Variants in ELMO1 observed in about 807,000 individuals in gnomAD.
The protein encoded by ELMO1 is engulfment and cell motility protein 1.
ELMO1 carries 26 observed loss-of-function variants against 98.9 expected under a neutral mutation model. That is an observed-to-expected ratio of 0.26 (90% confidence interval 0.19 to 0.36). ELMO1 has a LOEUF of 0.36. Ranked by LOEUF, ELMO1 falls within the 10% of genes least tolerant of loss-of-function variation. The pLI is 1.00. For missense variants in ELMO1, 627 were observed against 935.2 expected, an observed-to-expected ratio of 0.67 and a Z score of 4.30; for synonymous variants, 346 against 346.0, an observed-to-expected ratio of 1.00 and a Z score of 0.00.
At chr7:37,013,603 C>A (rs1443458381) in intron 15 of ELMO1, 168 bp from the exon 16 acceptor site, 17 of 748,458 alleles carry the variant, frequency 2.3e-5, no homozygotes, top group Non-Finnish European at 3.3e-5. Flanking sequence ...GGCCCCCATA[C>A]AACTCGGAAG....
chr7:36,958,568 TCTGCTCTCA>T (rs891248533), intron 16 of ELMO1, among the ~76,000 whole-genome samples: 1 of 152,196 alleles, frequency 6.6e-6, no homozygotes, highest in Non-Finnish European at 1.5e-5. Context: ...CATAGCTGAA[TCTGCTCTCA>T]CTGGGGACAC....
At chr7:37,122,274 T>A (rs1786111224) in intron 14 of ELMO1, among the ~76,000 whole-genome samples, 2 of 152,108 alleles carry the variant, frequency 1.3e-5, no homozygotes, top group South Asian at 4.2e-4. Flanking sequence ...AGGATCAAAT[T>A]CAAACATAAC....
In ELMO1 at chr7:37,025,920, T is replaced by TCTATCTAC. The variant is rs1444461912; in HGVS notation, c.1301-12486_1301-12485insGTAGATAG. 3.8e-4 allele frequency among the ~76,000 whole-genome samples: 57 copies of TCTATCTAC among 149,738 alleles called. No homozygotes were observed. In the South Asian group the frequency reaches 0.012, roughly 30 times the overall value. ...TTCTATCTATCTATCTATCTATCTATCTATCTATCTATCTATTTTTTTCTA... is the reference window on the plus strand; with the variant it reads ...TTCTATCTATCTATCTATCTATCTATCTATCTACCTATCTATCTATCTATTTTTTTCTA... On this transcript the variant is annotated intron_variant, in intron 15 of 21. Coordinates refer to ENST00000310758, the MANE Select transcript of ELMO1 (RefSeq NM_014800.11).
chr7:37,116,860 T>C, intron 14 of ELMO1: 1 of 187,402 alleles, frequency 5.3e-6, no homozygotes, highest in Non-Finnish European at 1.2e-5. Context: ...GGCAATGACT[T>C]CCACAGGAAC....
intron 15 of ELMO1, among the ~76,000 whole-genome samples, chr7:37,065,286 T>C (rs1026437300): frequency 6.6e-6 from 1 of 151,888 alleles, no homozygotes; most frequent in African/African-American, 2.4e-5. Context: ...GTAGCTGGGA[T>C]TATAGGCATG....
At chr7:37,328,937 T>C (rs569884475) in intron 2 of ELMO1, among the ~76,000 whole-genome samples, 2 of 152,348 alleles carry the variant, frequency 1.3e-5, no homozygotes, top group East Asian at 3.9e-4. Context: ...TGTCAGAATA[T>C]AAACTTGGAA....
At chr7:36,929,119 C>T (rs1052234849) in intron 16 of ELMO1, among the ~76,000 whole-genome samples, 2 of 152,188 alleles carry the variant, frequency 1.3e-5, no homozygotes, top group Admixed American at 6.5e-5. Flanking sequence ...GAACCAAAGC[C>T]CCATACTCTC....
In ELMO1 at chr7:37,331,333, C is replaced by CTTTTTTTTTTTTTTT. The variant is rs776303689; in HGVS notation, c.78+11265_78+11279dup. On this transcript the variant is annotated intron_variant, in intron 2 of 21. Coordinates refer to ENST00000310758, the MANE Select transcript of ELMO1 (RefSeq NM_014800.11). ...TACAGGCGCCAGCCGCCACGCCTGG[C>CTTTTTTTTTTTTTTT]TTTTTTTTTTTTTTTTTTTTTTGGA... Among the ~76,000 whole-genome samples, 34 of 28,728 alleles carry CTTTTTTTTTTTTTTT rather than the reference C, an allele frequency of 1.2e-3. 5 individuals are homozygous for CTTTTTTTTTTTTTTT. The highest frequency in any genetic ancestry group is 1.6e-3 in the Non-Finnish European group (23 of 14,728). The allele number at this position is 28,728 out of a possible 152,430, so 18.8% of individuals were successfully genotyped here.
At chr7:36,958,900 A>G (rs1267381585) in intron 16 of ELMO1, among the ~76,000 whole-genome samples, 1 of 151,984 alleles carries the variant, frequency 6.6e-6, no homozygotes, top group African/African-American at 2.4e-5. Flanking sequence ...TTATGTCTCT[A>G]GTCCCAACCT....
At chr7:36,967,417 A>T (rs567433894) in intron 16 of ELMO1, among the ~76,000 whole-genome samples, 1 of 152,314 alleles carries the variant, frequency 6.6e-6, no homozygotes, top group South Asian at 2.1e-4. Flanking sequence ...TATGTCTTTA[A>T]TTAACAAGTG....
At chr7:37,113,592 A>C (rs2129278997) in intron 14 of ELMO1, among the ~76,000 whole-genome samples, 1 of 152,284 alleles carries the variant, frequency 6.6e-6, no homozygotes, top group African/African-American at 2.4e-5. Context: ...AAAGGCCCAG[A>C]GACCAGAGGT....
intron 15 of ELMO1, among the ~76,000 whole-genome samples, chr7:37,061,204 G>A (rs546383248): frequency 7.9e-5 from 12 of 152,204 alleles, no homozygotes; most frequent in East Asian, 7.7e-4. Flanking sequence ...GTTTTCCTTC[G>A]TGTTGAAGAT....
At chr7:37,013,624 G>C (rs1363114366) in intron 15 of ELMO1, 189 bp from the exon 16 acceptor site, 1 of 623,202 alleles carries the variant, frequency 1.6e-6, no homozygotes, top group African/African-American at 1.8e-5. Context: ...TTTAAGGCCA[G>C]ATAGTCAGAC....
chr7:37,435,665 T>C (rs557744172), intron 1 of ELMO1, among the ~76,000 whole-genome samples: 7 of 152,328 alleles, frequency 4.6e-5, no homozygotes, highest in African/African-American at 1.7e-4. Context: ...TCTCAGACTG[T>C]TTCATTACAC....
chr7:37,445,650 G>C (rs188009582), intron 1 of ELMO1, among the ~76,000 whole-genome samples: 2 of 138,738 alleles, frequency 1.4e-5, no homozygotes, highest in East Asian at 4.4e-4. Flanking sequence ...TTTCAATATA[G>C]TAATTTAGTA....
intron 7 of ELMO1, among the ~76,000 whole-genome samples, chr7:37,237,352 C>T (rs935101080): frequency 2.0e-5 from 3 of 152,126 alleles, no homozygotes; most frequent in East Asian, 1.9e-4. Context: ...TGCAGTAGCG[C>T]GATCTCAGCT....
At chr7:37,029,920 GCTA>G (rs1418019066) in intron 15 of ELMO1, among the ~76,000 whole-genome samples, 1 of 152,090 alleles carries the variant, frequency 6.6e-6, no homozygotes, top group Non-Finnish European at 1.5e-5. Context: ...CTCGATGTCT[GCTA>G]CTTTTTTTCT....
intron 13 of ELMO1, among the ~76,000 whole-genome samples, chr7:37,189,632 A>C (rs924949108): frequency 1.3e-5 from 2 of 152,232 alleles, no homozygotes; most frequent in African/African-American, 4.8e-5. Context: ...CCGTGAAATC[A>C]GATTGTTACC....
intron 15 of ELMO1, among the ~76,000 whole-genome samples, chr7:37,025,557 A>G (rs1794518888): frequency 1.3e-5 from 2 of 152,168 alleles, no homozygotes; most frequent in South Asian, 4.1e-4. Flanking sequence ...AATAGAACAA[A>G]AAGGTGGAGG....
Sources: gnomAD v4.1 joint callset for allele counts (sites outside exome capture counted in the v4.1 genomes callset) on GRCh38, gnomAD v4.1.1 for gene constraint, MANE v1.5 for transcripts, NCBI Gene and HGNC (gene_info 2026-07-23, HGNC 2026-07-21) for gene names.